DGKA: variants seen among roughly 807,000 people sequenced by gnomAD.
DGKA encodes the protein 80 kDa diacylglycerol kinase.
A neutral mutation model predicts 105.0 loss-of-function variants in DGKA; 35 were observed. The observed-to-expected ratio is 0.33, with a 90% CI of 0.25 to 0.44. The LOEUF (loss-of-function observed/expected upper bound fraction) is 0.44, where lower values mean the gene tolerates loss of function less well. Among genes scored for constraint, DGKA ranks in the 20% least tolerant of loss-of-function variants. The pLI, the probability that DGKA is intolerant of heterozygous loss-of-function variation, is 1.00. For missense variants in DGKA, 665 were observed against 915.0 expected (o/e 0.73, Z 3.53); for synonymous variants, 296 against 332.0 (o/e 0.89, Z 1.18).
At chr12:55,936,692 C>T in intron 2 of DGKA, 125 bp downstream of exon 2, 1 of 1,344,834 alleles carries the variant, frequency 7.4e-7, no homozygotes, top group Non-Finnish European at 1.1e-6. Context: ...CTCAGATGTG[C>T]CCATGACTGG....
At chr12:55,943,165 C>T (rs1886353486) in intron 17 of DGKA, 1 of 152,126 alleles carries the variant, frequency 6.6e-6, no homozygotes, top group African/African-American at 2.4e-5. Context: ...GTATTAGTTG[C>T]CTTGCAGTGT....
intron 4 of DGKA, 158 bp downstream of exon 4, chr12:55,937,701 T>A (rs1376212191): frequency 1.9e-6 from 2 of 1,034,138 alleles, no homozygotes; most frequent in Non-Finnish European, 2.8e-6. Context: ...GGAGGAAAGG[T>A]AAAGGGGAAA....
chr12:55,937,888 TAA>T, intron 4 of DGKA, 88 bp from the exon 5 acceptor site: 1 of 1,190,338 alleles, frequency 8.4e-7, no homozygotes, highest in Non-Finnish European at 1.2e-6. Flanking sequence ...ATCTTTTTTT[TAA>T]AAAAAGGGAG....
Position 55,952,439 on chromosome 12 carries a change from T to G in DGKA, c.1743+8T>G. ...GAGTCTTTGACAGTTGAGGTGTGTG[T>G]AATAAGACTTAACCCTACATCCTTT... On this transcript the variant is annotated splice_region_variant and intron_variant, in intron 20 of 23. Coordinates refer to ENST00000331886, the MANE Select transcript of DGKA (RefSeq NM_001345.5). This position sits in a 1 kb window ranked among gnomAD's most constrained non-coding sequence, Gnocchi z 5.1. 6.2e-7 allele frequency: 1 copy of G among 1,612,912 alleles called. No individual in the cohort carries two copies. Among genetic ancestry groups the G allele is most frequent in the Non-Finnish European group, 8.5e-7 (1 of 1,178,922 alleles).
chr12:55,934,131 C>T (rs916797078), intron 1 of DGKA, among the ~76,000 whole-genome samples: 4 of 152,180 alleles, frequency 2.6e-5, no homozygotes, highest in African/African-American at 2.4e-5. Flanking sequence ...ACCTGGGGAG[C>T]TAGGAAGGAG....
At chr12:55,928,884 G>A (rs753384012), upstream of DGKA, among the ~76,000 whole-genome samples, 37 of 151,940 alleles carry the variant, frequency 2.4e-4, no homozygotes, top group Non-Finnish European at 4.7e-4. Flanking sequence ...GGCCGGGTGC[G>A]GTGTCTCATG....
At chr12:55,936,791 TC>T (rs775530937) in intron 2 of DGKA, 610 of 819,124 alleles carry the variant, frequency 7.4e-4, no homozygotes, top group African/African-American at 6.9e-3. Flanking sequence ...AGGTCTCGGC[TC>T]TCTACCCACC....
intron 17 of DGKA, among the ~76,000 whole-genome samples, chr12:55,947,027 C>T (rs1484585391): frequency 6.8e-6 from 1 of 147,330 alleles, no homozygotes; most frequent in African/African-American, 2.5e-5. Context: ...CTCTTGTTGC[C>T]CAGGCTGGGG....
chr12:55,927,769 G>A, upstream of DGKA: 1 of 1,538,692 alleles, frequency 6.5e-7, no homozygotes, highest in Non-Finnish European at 8.7e-7. Flanking sequence ...CATGGCCGAA[G>A]AGGCAGCGGA....
chr12:55,944,771 TATTTATTC>T (rs1389580493), intron 17 of DGKA, among the ~76,000 whole-genome samples: 5 of 152,182 alleles, frequency 3.3e-5, no homozygotes, highest in East Asian at 3.8e-4. Context: ...AGGTGGCATT[TATTTATTC>T]ATTTATTCAT....
At chr12:55,927,644 G>C, upstream of DGKA, 1 of 1,509,734 alleles carries the variant, frequency 6.6e-7, no homozygotes, top group Non-Finnish European at 8.9e-7. Flanking sequence ...TTCGTGTGCC[G>C]ATTGCTGTCG....
Position 55,936,584 on chromosome 12 carries a change from G to C in DGKA, c.64+17G>C. ...ACATGGAATGTGAGTCTTCCTGTCAGGCCTTCAGTTCTGGAGACCCTGCCC... is the reference window on the plus strand; with the variant it reads ...ACATGGAATGTGAGTCTTCCTGTCACGCCTTCAGTTCTGGAGACCCTGCCC... On this transcript the variant is annotated intron_variant, in intron 2 of 23. Coordinates refer to ENST00000331886, the MANE Select transcript of DGKA (RefSeq NM_001345.5). The C allele has an allele frequency of 6.2e-7, 1 of 1,614,108 alleles. No homozygotes were observed. Among genetic ancestry groups the C allele is most frequent in the Non-Finnish European group, 8.5e-7 (1 of 1,180,012 alleles).
At chr12:55,936,650 C>G (rs1395311952) in intron 2 of DGKA, 83 bp downstream of exon 2, 2 of 1,579,582 alleles carry the variant, frequency 1.3e-6, no homozygotes, top group Non-Finnish European at 8.7e-7. Flanking sequence ...CCCTGCCCCC[C>G]AGCTTCCTCA....
chr12:55,943,000 G>A (rs574709577), intron 17 of DGKA, among the ~76,000 whole-genome samples: 2 of 152,270 alleles, frequency 1.3e-5, no homozygotes, highest in South Asian at 2.1e-4. Context: ...TCATGATTGG[G>A]ACATAGGGTG....
intron 4 of DGKA, 121 bp downstream of exon 4, chr12:55,937,664 A>T: frequency 7.5e-7 from 1 of 1,341,158 alleles, no homozygotes; most frequent in Non-Finnish European, 1.0e-6. Context: ...TTGGTGGAGA[A>T]TAGTCAGGCT....
chr12:55,953,484 CT>C, intron 23 of DGKA, 74 bp downstream of exon 23: 1 of 1,486,474 alleles, frequency 6.7e-7, no homozygotes, highest in Non-Finnish European at 9.4e-7. Context: ...TCCACAGCTT[CT>C]TTACACCCTT....
Position 55,936,873 on chromosome 12 carries a change from T to C in DGKA, c.65-144T>C, listed in dbSNP as rs535053252. 4 of 869,892 alleles carry C rather than the reference T, an allele frequency of 4.6e-6. No homozygotes were observed. The South Asian group carries it at 5.4e-5, about 12-fold the overall frequency. The allele number at this position is 869,892 out of a possible 1,614,324, so 53.9% of individuals were successfully genotyped here. The stretch of plus-strand genomic sequence containing the variant: ...TAAAGAGTGGTACTGTTTTGGAGGA[T>C]CTGAAATATTTTTCCCTCTGTATTT... On this transcript the variant is annotated intron_variant, in intron 2 of 23. Transcript: ENST00000331886.
At chr12:55,939,659 G>A (rs1885489365) in intron 9 of DGKA, 130 bp downstream of exon 9, 2 of 811,154 alleles carry the variant, frequency 2.5e-6, no homozygotes, top group Non-Finnish European at 3.9e-6. Flanking sequence ...ATGTGACCTT[G>A]GGAAAGCCAC....
rs867395400 is a variant in DGKA, at chr12:55,937,023, C to T, written c.71C>T (p.Thr24Ile). 1.2e-6 allele frequency: 2 copies of T among 1,614,140 alleles called. No individual in the cohort carries two copies. Among genetic ancestry groups the T allele is most frequent in the Non-Finnish European group, 1.7e-6 (2 of 1,179,986 alleles). ...TACTCTCTCTACACCCTAGACTCCA[C>T]CAAAAAGGTCAGTGATGTCCTAAAG... ...AQLQKYMEYS[T>I]KKVSDVLKLF... The change falls in exon 3 of 24, where the codon ACC (threonine) becomes ATC (isoleucine). Residue 24 changes from threonine (T) to isoleucine (I), a missense_variant. Thr to Ile is a moderately conservative substitution (Grantham distance 89). Coordinates refer to ENST00000331886, the MANE Select transcript of DGKA (RefSeq NM_001345.5).
Sources: gnomAD v4.1 joint callset for allele counts (sites outside exome capture counted in the v4.1 genomes callset) on GRCh38, gnomAD v4.1.1 for gene constraint, Gnocchi (gnomAD v3.1) non-coding constraint, MANE v1.5 for transcripts, NCBI Gene and HGNC (gene_info 2026-07-23, HGNC 2026-07-21) for gene names.